Variants in NWD2 observed in about 807,000 individuals in gnomAD.
The protein encoded by NWD2 is NACHT and WD repeat domain-containing protein 2.
NWD2 carries 37 observed loss-of-function variants against 132.7 expected under a neutral mutation model. That is an observed-to-expected ratio of 0.28 (90% confidence interval 0.21 to 0.37). NWD2 has a LOEUF of 0.37. NWD2 is among the 10% of genes least tolerant of loss of function. NWD2 has a pLI of 1.00. For missense variants in NWD2, 1,592 were observed against 2,122.4 expected, an observed-to-expected ratio of 0.75 and a Z score of 4.91; for synonymous variants, 705 against 803.0, an observed-to-expected ratio of 0.88 and a Z score of 2.06.
intron 1 of NWD2, among the ~76,000 whole-genome samples, chr4:37,289,727 A>C (rs1776554): frequency 0.54 from 82,015 of 151,942 alleles, 22,417 homozygotes; most frequent in Non-Finnish European, 0.57. Flanking sequence ...GCCTATGTCA[A>C]TATAACCCAA....
intron 3 of NWD2, among the ~76,000 whole-genome samples, chr4:37,397,944 A>C (rs190756871): frequency 6.6e-5 from 10 of 152,262 alleles, no homozygotes; most frequent in Admixed American, 5.2e-4. Flanking sequence ...CTATCTTCCA[A>C]ATCAACTCTA....
At chr4:37,275,595 T>C (rs1379012950) in intron 1 of NWD2, among the ~76,000 whole-genome samples, 2 of 151,870 alleles carry the variant, frequency 1.3e-5, no homozygotes, top group East Asian at 1.9e-4. Context: ...TCATATGGAA[T>C]CAAAAAAGAG....
chr4:37,424,285 C>T (rs1711927167), intron 3 of NWD2, among the ~76,000 whole-genome samples: 1 of 152,086 alleles, frequency 6.6e-6, no homozygotes, highest in Admixed American at 6.5e-5. Context: ...AAGATACTCT[C>T]AGAAGAGGAA....
chr4:37,292,598 A>T (rs778088046), intron 1 of NWD2, among the ~76,000 whole-genome samples: 76 of 152,002 alleles, frequency 5.0e-4, no homozygotes, highest in Non-Finnish European at 9.4e-4. Context: ...CTGCCCCAGG[A>T]TCCCATTCAA....
chr4:37,361,857 C>T (rs1457318954), intron 3 of NWD2, among the ~76,000 whole-genome samples: 2 of 151,922 alleles, frequency 1.3e-5, no homozygotes, highest in East Asian at 3.9e-4. Flanking sequence ...AAAAGGCATC[C>T]AAATAGGAAA....
At chr4:37,280,758 T>C (rs940678407) in intron 1 of NWD2, among the ~76,000 whole-genome samples, 4 of 152,030 alleles carry the variant, frequency 2.6e-5, no homozygotes, top group Non-Finnish European at 1.5e-5. Context: ...CTAACAATAG[T>C]AGAATTGTTA....
At chr4:37,355,170 A>G (rs1170831691) in intron 2 of NWD2, among the ~76,000 whole-genome samples, 1 of 152,172 alleles carries the variant, frequency 6.6e-6, no homozygotes, top group Non-Finnish European at 1.5e-5. Context: ...GAGGCTCTCA[A>G]ATTGGATAAT....
At position 37,439,348 on chromosome 4, in the gene NWD2, A is replaced by G; in HGVS notation, c.1254A>G (p.Pro418=). ...HINPLIIYGG[P]CTGKTLLLAE... ...ACCCTCTTATTATATATGGTGGGCC[A>G]TGCACTGGGAAGACCCTTCTGCTAG... The change falls in exon 6 of 7, where the codon CCA becomes CCG. Residue 418 remains proline (P), a synonymous_variant. Transcript: ENST00000309447. The surrounding 1 kb of genome is among the most constrained non-coding windows in gnomAD (Gnocchi z 4.5). 2.0e-6 allele frequency: 3 copies of G among 1,517,988 alleles called. No homozygotes were observed. The South Asian group carries it at 3.8e-5, about 19-fold the overall frequency. The allele number at this position is 1,517,988 out of a possible 1,614,324, so 94.0% of individuals were successfully genotyped here. A position where few individuals can be genotyped will look rare whatever the true frequency, so the allele number is the denominator to read the frequency against.
At chr4:37,352,184 G>C (rs183557284) in intron 2 of NWD2, among the ~76,000 whole-genome samples, 3 of 152,164 alleles carry the variant, frequency 2.0e-5, no homozygotes, top group Non-Finnish European at 4.4e-5. Context: ...TTCTGTAGGT[G>C]TCTATTAAGT....
At chr4:37,356,990 T>C (rs1472254800) in intron 3 of NWD2, among the ~76,000 whole-genome samples, 1 of 152,194 alleles carries the variant, frequency 6.6e-6, no homozygotes, top group East Asian at 1.9e-4. Context: ...CAGCTACATG[T>C]TCATTATAAG....
At chr4:37,355,451 C>A (rs1719852879) in intron 2 of NWD2, among the ~76,000 whole-genome samples, 1 of 152,180 alleles carries the variant, frequency 6.6e-6, no homozygotes, top group Non-Finnish European at 1.5e-5. Context: ...TCTCCAGAAT[C>A]TGCTGGGGCC....
intron 3 of NWD2, among the ~76,000 whole-genome samples, chr4:37,370,476 G>A (rs928894621): frequency 6.6e-6 from 1 of 152,296 alleles, no homozygotes; most frequent in Non-Finnish European, 1.5e-5. Context: ...CAAAATGGGA[G>A]CATGTTTGTG....
At chr4:37,333,658 C>A (rs759658860) in intron 2 of NWD2, among the ~76,000 whole-genome samples, 2 of 152,084 alleles carry the variant, frequency 1.3e-5, no homozygotes, top group Non-Finnish European at 2.9e-5. Context: ...ATACCTAACT[C>A]TTAAATACCC....
intron 3 of NWD2, among the ~76,000 whole-genome samples, chr4:37,399,778 G>A (rs1360625792): frequency 6.6e-6 from 1 of 152,118 alleles, no homozygotes; most frequent in Non-Finnish European, 1.5e-5. Context: ...TGCTTCTTCA[G>A]GTACAGTCCC....
intron 1 of NWD2, among the ~76,000 whole-genome samples, chr4:37,289,062 G>C (rs1359477311): frequency 6.6e-6 from 1 of 151,924 alleles, no homozygotes; most frequent in Non-Finnish European, 1.5e-5. Context: ...CTGCACATAT[G>C]GTTTACATCT....
At chr4:37,368,295 A>C (rs961695603) in intron 3 of NWD2, among the ~76,000 whole-genome samples, 2 of 152,178 alleles carry the variant, frequency 1.3e-5, no homozygotes, top group African/African-American at 4.8e-5. Context: ...CCTTGCACTT[A>C]CCTAGCATCT....
At chr4:37,350,668 C>G (rs558786064) in intron 2 of NWD2, among the ~76,000 whole-genome samples, 61 of 152,002 alleles carry the variant, frequency 4.0e-4, no homozygotes, top group Non-Finnish European at 7.8e-4. Context: ...ATCTGAATAC[C>G]CTTTATTGCC....
intron 1 of NWD2, among the ~76,000 whole-genome samples, chr4:37,276,008 A>C (rs182024138): frequency 2.1e-4 from 32 of 152,070 alleles, no homozygotes; most frequent in South Asian, 6.2e-4. Context: ...AGAAGAAAAC[A>C]TAGGCAATAC....
At chr4:37,371,440 G>A (rs1413298499) in intron 3 of NWD2, among the ~76,000 whole-genome samples, 2 of 152,040 alleles carry the variant, frequency 1.3e-5, no homozygotes, top group African/African-American at 2.4e-5. Context: ...TTTCTAATTT[G>A]CTTTTACTAG....
Sources: gnomAD v4.1 joint callset for allele counts (sites outside exome capture counted in the v4.1 genomes callset) on GRCh38, gnomAD v4.1.1 for gene constraint, Gnocchi (gnomAD v3.1) non-coding constraint, MANE v1.5 for transcripts, NCBI Gene and HGNC (gene_info 2026-07-23, HGNC 2026-07-21) for gene names.